Variants in RBMS3 observed in about 807,000 individuals in gnomAD.
RBMS3 encodes RNA-binding motif, single-stranded-interacting protein 3.
Under a neutral mutation model 66.8 loss-of-function variants are expected in RBMS3, and 27 were observed. That is an observed-to-expected ratio of 0.40 (90% CI 0.30 to 0.56). The LOEUF (loss-of-function observed/expected upper bound fraction) is 0.56. Among genes scored for constraint, RBMS3 ranks in the 20% least tolerant of loss-of-function variants. The pLI, the probability that RBMS3 is intolerant of heterozygous loss-of-function variation, is 0.40. For missense variants in RBMS3, 513 were observed against 549.5 expected (o/e 0.93, Z 0.66); for synonymous variants, 188 against 183.0 (o/e 1.03, Z -0.22).
chr3:29,881,183 G>C (rs1207065555), intron 7 of RBMS3, among the ~76,000 whole-genome samples: 1 of 151,838 alleles, frequency 6.6e-6, no homozygotes. Context: ...AGCTGGCCTT[G>C]ACCTCTCATC....
At chr3:29,720,362 G>A (rs541893034) in intron 4 of RBMS3, among the ~76,000 whole-genome samples, 197 of 152,152 alleles carry the variant, frequency 1.3e-3, no homozygotes, top group African/African-American at 4.6e-3. Context: ...AATGTGTACA[G>A]CCAATTAACA....
intron 3 of RBMS3, among the ~76,000 whole-genome samples, chr3:29,567,902 A>T (rs535707395): frequency 6.6e-6 from 1 of 152,126 alleles, no homozygotes; most frequent in Non-Finnish European, 1.5e-5. Flanking sequence ...TATGACTCCT[A>T]GGGGATTTCT....
intron 9 of RBMS3, 43 bp from the exon 10 acceptor site, chr3:29,899,658 TTCTC>T: frequency 6.4e-7 from 1 of 1,569,436 alleles, no homozygotes; most frequent in East Asian, 2.3e-5. Flanking sequence ...AAGAACCAAG[TTCTC>T]TCTATGATTG....
At chr3:29,350,364 A>T (rs1392993864) in intron 1 of RBMS3, among the ~76,000 whole-genome samples, 1 of 152,146 alleles carries the variant, frequency 6.6e-6, no homozygotes, top group African/African-American at 2.4e-5. Context: ...CATTTTAGAG[A>T]TTGCCAATAT....
intron 1 of RBMS3, among the ~76,000 whole-genome samples, chr3:29,403,264 G>T (rs1166254985): frequency 6.6e-6 from 1 of 152,002 alleles, no homozygotes; most frequent in Non-Finnish European, 1.5e-5. Context: ...TAAGATTCAG[G>T]TGGAGAAGTC....
intron 6 of RBMS3, among the ~76,000 whole-genome samples, chr3:29,852,629 C>G (rs975332421): frequency 2.6e-5 from 4 of 152,182 alleles, no homozygotes; most frequent in Non-Finnish European, 5.9e-5. Flanking sequence ...TCACACCAGT[C>G]AGAATGGCCA....
intron 2 of RBMS3, among the ~76,000 whole-genome samples, chr3:29,442,621 C>A (rs969261698): frequency 1.3e-5 from 2 of 152,074 alleles, no homozygotes; most frequent in Non-Finnish European, 2.9e-5. Context: ...GAATTCTAGG[C>A]AGATCTCATG....
chr3:29,495,785 A>C (rs923957711), intron 3 of RBMS3, among the ~76,000 whole-genome samples: 72 of 152,060 alleles, frequency 4.7e-4, no homozygotes, highest in Non-Finnish European at 3.1e-4. Flanking sequence ...ATTTTGTTAT[A>C]TGTTTAGGTA....
intron 1 of RBMS3, among the ~76,000 whole-genome samples, chr3:29,369,643 G>A (rs1189350877): frequency 6.6e-6 from 1 of 151,944 alleles, no homozygotes; most frequent in African/African-American, 2.4e-5. Flanking sequence ...TAACATCAAG[G>A]AAAGAGGGAA....
intron 4 of RBMS3, chr3:29,698,458 C>T: frequency 2.0e-6 from 2 of 985,240 alleles, no homozygotes; most frequent in Non-Finnish European, 2.4e-6. Flanking sequence ...GAAATACAGT[C>T]TTTGGAGGAA....
chr3:29,840,595 G>GA (rs1304839763), intron 6 of RBMS3, among the ~76,000 whole-genome samples: 1 of 151,938 alleles, frequency 6.6e-6, no homozygotes, highest in African/African-American at 2.4e-5. Flanking sequence ...TAGTTTTATG[G>GA]AAAAATTTTG....
intron 3 of RBMS3, among the ~76,000 whole-genome samples, chr3:29,492,315 A>T (rs1312502174): frequency 6.6e-6 from 1 of 152,214 alleles, no homozygotes; most frequent in East Asian, 1.9e-4. Context: ...ACCTTGACAT[A>T]GATATGAGAA....
intron 3 of RBMS3, among the ~76,000 whole-genome samples, chr3:29,512,623 G>A (rs1206828462): frequency 6.6e-6 from 1 of 151,892 alleles, no homozygotes; most frequent in Admixed American, 6.6e-5. Context: ...AAAGACTTGA[G>A]GATTACTACT....
intron 4 of RBMS3, among the ~76,000 whole-genome samples, chr3:29,717,485 G>T (rs2053446920): frequency 6.6e-6 from 1 of 151,930 alleles, no homozygotes; most frequent in South Asian, 2.1e-4. Flanking sequence ...AATATGAATT[G>T]TAAACTGCTA....
intron 1 of RBMS3, among the ~76,000 whole-genome samples, chr3:29,308,570 G>C (rs976207036): frequency 2.6e-5 from 4 of 151,648 alleles, no homozygotes; most frequent in African/African-American, 9.7e-5. Context: ...AAAAAATTTA[G>C]AGATTATGTA....
chr3:29,700,544 C>G (rs2052517769), intron 4 of RBMS3, among the ~76,000 whole-genome samples: 1 of 152,126 alleles, frequency 6.6e-6, no homozygotes, highest in African/African-American at 2.4e-5. Flanking sequence ...TTTACTTGCT[C>G]TCAAGGGCCT....
chr3:29,738,412 G>T (rs1352535262), intron 4 of RBMS3, among the ~76,000 whole-genome samples: 1 of 152,180 alleles, frequency 6.6e-6, no homozygotes. Context: ...AATCTGTCAA[G>T]TTTTTGACTG....
intron 2 of RBMS3, among the ~76,000 whole-genome samples, chr3:29,476,261 T>C (rs1367683432): frequency 6.6e-6 from 1 of 152,234 alleles, no homozygotes; most frequent in African/African-American, 2.4e-5. Context: ...ATTAAAAGAT[T>C]GTGCATGACC....
intron 1 of RBMS3, among the ~76,000 whole-genome samples, chr3:29,357,097 G>A (rs978557209): frequency 1.3e-5 from 2 of 151,896 alleles, no homozygotes; most frequent in Non-Finnish European, 2.9e-5. Context: ...TGTGCACAAC[G>A]TGCAGGTTTG....
Sources: allele counts gnomAD v4.1 joint callset (sites outside exome capture counted in the v4.1 genomes callset), GRCh38; gene constraint gnomAD v4.1.1; transcripts MANE v1.5; gene names NCBI Gene and HGNC (gene_info 2026-07-23, HGNC 2026-07-21).